The following ZKSCAN2 variants were observed in gnomAD, a reference collection of about 807,000 sequenced individuals.
The protein encoded by ZKSCAN2 is zinc finger protein with KRAB and SCAN domains 2.
ZKSCAN2 carries 38 observed loss-of-function variants against 90.5 expected under a neutral mutation model. The ratio of observed to expected loss-of-function variants is 0.42; its 90% CI spans 0.32 to 0.55. The LOEUF is 0.55. Among genes scored for constraint, ZKSCAN2 ranks in the 20% least tolerant of loss-of-function variants. The pLI is 0.11. For missense variants in ZKSCAN2, 1,167 were observed against 1,202.6 expected, an observed-to-expected ratio of 0.97 and a Z score of 0.44; for synonymous variants, 429 against 421.6, an observed-to-expected ratio of 1.02 and a Z score of -0.22.
At chr16:25,245,904 A>C (rs1177417867) in intron 5 of ZKSCAN2, among the ~76,000 whole-genome samples, 1 of 152,220 alleles carries the variant, frequency 6.6e-6, no homozygotes, top group Non-Finnish European at 1.5e-5. Flanking sequence ...ATTTAACACT[A>C]ATAACAACCC....
At chr16:25,251,654 C>T (rs1210249111) in intron 4 of ZKSCAN2, among the ~76,000 whole-genome samples, 2 of 152,198 alleles carry the variant, frequency 1.3e-5, no homozygotes, top group East Asian at 3.8e-4. Context: ...TACTGTACTA[C>T]ACCATTTTAT....
chr16:25,256,203 T>C (rs1963099228), intron 1 of ZKSCAN2, among the ~76,000 whole-genome samples: 3 of 152,124 alleles, frequency 2.0e-5, no homozygotes, highest in East Asian at 1.9e-4. Flanking sequence ...TAGAAGAGCA[T>C]GCAAGCCACT....
rs777423900 is a variant in ZKSCAN2 at position 25,257,135 on chromosome 16, C to G, written c.-8G>C. The G allele has an allele frequency of 6.3e-7, 1 of 1,580,836 alleles. No homozygotes were observed. The highest frequency in any genetic ancestry group is 8.6e-7 in the Non-Finnish European group (1 of 1,163,878). On this transcript the variant is annotated 5_prime_UTR_variant, in exon 1 of 7. Coordinates refer to ENST00000328086, the MANE Select transcript of ZKSCAN2 (RefSeq NM_001012981.5). The stretch of plus-strand genomic sequence containing the variant: ...GTCGAGGGCGACAGCCATGCTGCAG[C>G]CCAGGGGTCAACTTCACGTCTAGCT...
In ZKSCAN2 at chr16:25,255,256, T is replaced by C; in HGVS notation, c.536A>G (p.His179Arg). The change falls in exon 2 of 7, where the codon CAC becomes CGC. Residue 179 changes from histidine (H) to arginine (R), a missense_variant. Physicochemically the swap from His to Arg is conservative, Grantham distance 29. Transcript: ENST00000328086. Reference sequence around the variant, plus strand: ...TCGCTTTCGGTTCAGCTGTTCCTGGTGTCCTGAGTGGAGGCTTCCAGGTTC... The same window carrying C: ...TCGCTTTCGGTTCAGCTGTTCCTGGCGTCCTGAGTGGAGGCTTCCAGGTTC... ...REEPGSLHSG[H>R]QEQLNRKRER... The C allele has an allele frequency of 6.2e-7, 1 of 1,611,800 alleles. No individual in the cohort carries two copies. Among genetic ancestry groups the C allele is most frequent in the South Asian group, 1.1e-5 (1 of 90,710 alleles).
At position 25,257,100 on chromosome 16, in the gene ZKSCAN2, C is replaced by T; in HGVS notation, c.28G>A (p.Asp10Asn). The change falls in exon 1 of 7, where the codon GAC becomes AAC. Residue 10 changes from aspartate (D) to asparagine (N), a missense_variant. Transcript: ENST00000328086. Reference sequence around the variant, plus strand: ...CATCCCTCAACCTCCAGGGGCGCGTCGATCTGAGAGTCGAGGGCGACAGCC... The same window carrying T: ...CATCCCTCAACCTCCAGGGGCGCGTTGATCTGAGAGTCGAGGGCGACAGCC... MAVALDSQIDAPLEVEGCLI... is the reference protein window; with the variant it reads MAVALDSQINAPLEVEGCLI... 1 of 1,608,348 alleles carries T rather than the reference C, an allele frequency of 6.2e-7. No homozygotes were observed. The highest frequency in any genetic ancestry group is 8.5e-7 in the Non-Finnish European group (1 of 1,176,590).
intron 4 of ZKSCAN2, among the ~76,000 whole-genome samples, chr16:25,249,145 G>A (rs1433633026): frequency 1.3e-5 from 2 of 152,166 alleles, no homozygotes; most frequent in Non-Finnish European, 2.9e-5. Flanking sequence ...GAGGAGGGAA[G>A]ATGGGGAAAG....
chr16:25,254,459 C>A (rs1371154755), intron 2 of ZKSCAN2, among the ~76,000 whole-genome samples: 3 of 152,174 alleles, frequency 2.0e-5, no homozygotes, highest in African/African-American at 7.2e-5. Context: ...TCTGTGATGG[C>A]CTGTGAGTCA....
intron 3 of ZKSCAN2, 40 bp from the exon 4 acceptor site, chr16:25,252,075 C>T (rs1963029545): frequency 6.2e-7 from 1 of 1,607,984 alleles, no homozygotes; most frequent in African/African-American, 1.3e-5. Context: ...AAGATAACTG[C>T]ACAGGTCTTC....
At chr16:25,247,447 A>C (rs1359625516) in intron 4 of ZKSCAN2, 57 bp from the exon 5 acceptor site, 42 of 1,463,460 alleles carry the variant, frequency 2.9e-5, no homozygotes, top group Non-Finnish European at 3.6e-5. Context: ...TGCATGCCTC[A>C]ATCTTCTGCT....
intron 4 of ZKSCAN2, among the ~76,000 whole-genome samples, chr16:25,248,406 A>T (rs1169349109): frequency 6.6e-6 from 1 of 152,118 alleles, no homozygotes; most frequent in African/African-American, 2.4e-5. Context: ...TAAGGGGTCA[A>T]TAACTAAAAT....
At chr16:25,252,909 C>T in intron 3 of ZKSCAN2, 37 bp downstream of exon 3, 1 of 1,499,828 alleles carries the variant, frequency 6.7e-7, no homozygotes, top group South Asian at 1.1e-5. Context: ...CAGAGTGAGA[C>T]TCCATCTCAA....
rs1019487 is a variant in ZKSCAN2 at position 25,251,099 on chromosome 16, C to A, written c.805+810G>T. ...TAAATAAATATTAAATTTATTTGTA[C>A]CCCAATAAAGTCGAAAAAAATTTGG... is the stretch of plus-strand genomic sequence containing the variant. On this transcript the variant is annotated intron_variant, in intron 4 of 6. Coordinates refer to ENST00000328086, the MANE Select transcript of ZKSCAN2 (RefSeq NM_001012981.5). Among the ~76,000 whole-genome samples the A allele has an allele frequency of 5.4e-3, 822 of 151,992 alleles. 13 individuals are homozygous for A. The highest frequency in any genetic ancestry group is 0.019 in the African/African-American group (774 of 41,478).
rs1308038742 is a variant in ZKSCAN2, at chr16:25,243,967, G to A, written c.1799C>T (p.Ser600Leu). The change falls in exon 6 of 7, where the codon TCA (serine) becomes TTA (leucine). Residue 600 changes from serine (S) to leucine (L), a missense_variant. Transcript: ENST00000328086. ...ACCCCCTCTTTCTTGCCTTGAAGGTGATGGGACTTCCTCTGGGGTGCTGGG... is the reference window on the plus strand; with the variant it reads ...ACCCCCTCTTTCTTGCCTTGAAGGTAATGGGACTTCCTCTGGGGTGCTGGG... ...PSPSTPEEVP[S>L]PSRQERGGIE... 1 of 1,614,180 alleles carries A rather than the reference G, an allele frequency of 6.2e-7. No individual in the cohort carries two copies. The highest frequency in any genetic ancestry group is 8.5e-7 in the Non-Finnish European group (1 of 1,180,018).
intron 1 of ZKSCAN2, among the ~76,000 whole-genome samples, chr16:25,256,021 T>A (rs139887423): frequency 6.6e-6 from 1 of 152,200 alleles, no homozygotes; most frequent in Non-Finnish European, 1.5e-5. Context: ...TATACAGTAG[T>A]GAAATGAAAA....
rs183227657 is a variant in ZKSCAN2 at position 25,243,391 on chromosome 16, G to C, written c.1981+394C>G. Among the ~76,000 whole-genome samples the C allele has an allele frequency of 3.2e-4, 49 of 152,266 alleles. 1 individual carries two copies. Among genetic ancestry groups the C allele is most frequent in the African/African-American group, 1.2e-3 (49 of 41,570 alleles). On this transcript the variant is annotated intron_variant, in intron 6 of 6. Transcript: ENST00000328086. ...CACCCAGGCTGGAGTGCAATGGCAC[G>C]ATCTCGGCTCACTGCAACCTGCGCC... is the stretch of plus-strand genomic sequence containing the variant.
chr16:25,236,316 C>T lies in ZKSCAN2; in HGVS notation c.*3500G>A, dbSNP rs888331493. 3 of 152,316 alleles carry T rather than the reference C, an allele frequency of 2.0e-5. No homozygotes were observed. The highest frequency in any genetic ancestry group is 7.2e-5 in the African/African-American group (3 of 41,462). 9.4% of individuals were successfully genotyped at this position (152,316 alleles called of 1,614,324 possible). A position where few individuals can be genotyped will look rare whatever the true frequency, so the allele number is the denominator to read the frequency against. Reference sequence around the variant, plus strand: ...CTTGGGGGGTGCCTGCTGTGGACCACGAGGGACTTGCCCTTTCTCCTTCCC... The same window carrying T: ...CTTGGGGGGTGCCTGCTGTGGACCATGAGGGACTTGCCCTTTCTCCTTCCC... On this transcript the variant is annotated 3_prime_UTR_variant, in exon 7 of 7. Transcript: ENST00000328086.
In ZKSCAN2 at chr16:25,255,356, G is replaced by A; in HGVS notation, c.436C>T (p.Leu146Phe). 2 of 1,613,152 alleles carry A rather than the reference G, an allele frequency of 1.2e-6. No individual in the cohort carries two copies. Among genetic ancestry groups the A allele is most frequent in the Non-Finnish European group, 1.7e-6 (2 of 1,179,934 alleles). The change falls in exon 2 of 7, where the codon CTT (leucine) becomes TTT (phenylalanine). Residue 146 changes from leucine (L) to phenylalanine (F), a missense_variant. Leu to Phe is a conservative substitution (Grantham distance 22, BLOSUM62 0). Transcript: ENST00000328086. The stretch of plus-strand genomic sequence containing the variant: ...TCTGCCACCTCCCACGCTGCTCCAA[G>A]TGGGGAGTGCTTCTCCCGGTGCACG... ...SPVHREKHSP[L>F]GAAWEVADFQ...
Position 25,246,740 on chromosome 16 carries a change from G to A in ZKSCAN2, c.1456C>T (p.His486Tyr). The change falls in exon 5 of 7, where the codon CAT (histidine) becomes TAT (tyrosine). Residue 486 changes from histidine to tyrosine, a missense_variant. Transcript: ENST00000328086. ...TTCTGAAACAAGACAGGGGCACCAT[G>A]GATTTCAGACTTGCGGATAAATTCG... ...GIEFIRKSEI[H>Y]GAPVLFQNLS... is the part of the protein sequence containing the mutation. 6.2e-7 allele frequency: 1 copy of A among 1,614,188 alleles called. No homozygotes were observed.
In ZKSCAN2 at chr16:25,236,215, T is replaced by G. The variant is rs1374766645; in HGVS notation, c.*3601A>C. ...TGCCCCAGCTCCCTCACAGCTGTCTTGTCTGTCACTGGGCGCCAGACCTCC... is the reference window on the plus strand; with the variant it reads ...TGCCCCAGCTCCCTCACAGCTGTCTGGTCTGTCACTGGGCGCCAGACCTCC... On this transcript the variant is annotated 3_prime_UTR_variant, in exon 7 of 7. Coordinates refer to ENST00000328086, the MANE Select transcript of ZKSCAN2 (RefSeq NM_001012981.5). 6.6e-6 allele frequency: 1 copy of G among 152,260 alleles called. No homozygotes were observed. Among genetic ancestry groups the G allele is most frequent in the Non-Finnish European group, 1.5e-5 (1 of 68,070 alleles). 9.4% of individuals were successfully genotyped at this position (152,260 alleles called of 1,614,324 possible). A position where few individuals can be genotyped will look rare whatever the true frequency, so the allele number is the denominator to read the frequency against.
Sources: gnomAD v4.1 joint callset for allele counts (sites outside exome capture counted in the v4.1 genomes callset) on GRCh38, gnomAD v4.1.1 for gene constraint, MANE v1.5 for transcripts, NCBI Gene and HGNC (gene_info 2026-07-23, HGNC 2026-07-21) for gene names.